Variants in MERTK observed in about 807,000 individuals in gnomAD.
The protein encoded by MERTK is MER proto-oncogene, tyrosine kinase, also known as tyrosine-protein kinase Mer.
Under a neutral mutation model 99.3 loss-of-function variants are expected in MERTK, and 69 were observed. That is an observed-to-expected ratio of 0.70 (90% CI 0.57 to 0.85). The LOEUF is 0.85. MERTK is among the 40% of genes least tolerant of loss of function. The pLI is 0.00. For synonymous variants in MERTK, 426 were observed against 467.6 expected, an observed-to-expected ratio of 0.91 and a Z score of 1.15; for missense variants, 1,125 against 1,249.4, an observed-to-expected ratio of 0.90 and a Z score of 1.50.
intron 8 of MERTK, among the ~76,000 whole-genome samples, chr2:111,984,547 G>C (rs55730179): frequency 0.021 from 3,200 of 152,238 alleles, 57 homozygotes; most frequent in Middle Eastern, 0.068. Flanking sequence ...TGAGAGCGAG[G>C]TGTGAGATGA....
intron 1 of MERTK, among the ~76,000 whole-genome samples, chr2:111,914,101 C>CTTTTTT (rs765850254): frequency 1.8e-3 from 169 of 94,438 alleles, no homozygotes; most frequent in African/African-American, 2.3e-3. Context: ...TTCTTTCTTT[C>CTTTTTT]TTTTTTTTTT....
At chr2:111,929,070 G>C in intron 1 of MERTK, 50 bp from the exon 2 acceptor site, 1 of 1,609,500 alleles carries the variant, frequency 6.2e-7, no homozygotes. Flanking sequence ...AACCTACTTG[G>C]GAAACTCTTC....
chr2:111,990,331 A>G (rs909337411), intron 8 of MERTK, among the ~76,000 whole-genome samples: 6 of 152,204 alleles, frequency 3.9e-5, no homozygotes, highest in African/African-American at 1.4e-4. Flanking sequence ...TCTAATCACT[A>G]TGGCAACATT....
chr2:111,904,020 C>T (rs747481938), intron 1 of MERTK, among the ~76,000 whole-genome samples: 19 of 152,204 alleles, frequency 1.2e-4, no homozygotes, highest in East Asian at 5.8e-4. Flanking sequence ...AGGGGCCCTC[C>T]GGTGTCGCCC....
At position 111,960,312 on chromosome 2, in the gene MERTK, C is replaced by T. The variant is rs534578386; in HGVS notation, c.758-4879C>T. On this transcript the variant is annotated intron_variant, in intron 4 of 18. Transcript: ENST00000295408. ...CCTGGCCAACATGGTAAAACCCTGT[C>T]TCCATTAAAAATACAAAAATTAACC... Among the ~76,000 whole-genome samples, 7 of 152,024 alleles carry T rather than the reference C, an allele frequency of 4.6e-5. No individual in the cohort carries two copies. The South Asian group carries it at 6.2e-4, about 14-fold the overall frequency.
intron 1 of MERTK, among the ~76,000 whole-genome samples, chr2:111,908,052 G>T (rs542714231): frequency 1.3e-5 from 2 of 152,304 alleles, no homozygotes; most frequent in African/African-American, 4.8e-5. Context: ...GGGCAGTGGT[G>T]GGGAGCCTCT....
At chr2:111,925,275 G>GAGATATATAT (rs1553446636) in intron 1 of MERTK, among the ~76,000 whole-genome samples, 1 of 52,188 alleles carries the variant, frequency 1.9e-5, no homozygotes, top group African/African-American at 9.5e-5. Context: ...GTACAGATCA[G>GAGATATATAT]ATATATATAT....
At chr2:111,935,213 T>C (rs1224255383) in intron 2 of MERTK, among the ~76,000 whole-genome samples, 1 of 152,152 alleles carries the variant, frequency 6.6e-6, no homozygotes, top group Non-Finnish European at 1.5e-5. Context: ...TTTCCGGCAA[T>C]TCATTATTTG....
At chr2:112,023,332 T>G (rs936541046) in intron 18 of MERTK, among the ~76,000 whole-genome samples, 4 of 152,030 alleles carry the variant, frequency 2.6e-5, no homozygotes, top group Non-Finnish European at 5.9e-5. Context: ...GAGAATGGCG[T>G]GAACCCGGGA....
chr2:111,965,546 A>G (rs1038675006), intron 5 of MERTK, among the ~76,000 whole-genome samples: 1 of 152,198 alleles, frequency 6.6e-6, no homozygotes, highest in African/African-American at 2.4e-5. Flanking sequence ...TTTGATAAAC[A>G]TTCACTCGTT....
intron 4 of MERTK, among the ~76,000 whole-genome samples, chr2:111,955,441 A>G (rs1685129815): frequency 1.3e-5 from 2 of 152,186 alleles, no homozygotes; most frequent in Admixed American, 1.3e-4. Context: ...GTTTGGGGGT[A>G]GGATGTTCTA....
At chr2:111,908,339 A>G (rs912535802) in intron 1 of MERTK, among the ~76,000 whole-genome samples, 26 of 152,142 alleles carry the variant, frequency 1.7e-4, no homozygotes, top group Non-Finnish European at 2.1e-4. Context: ...ACATCTTATT[A>G]TAAAATATTT....
intron 5 of MERTK, among the ~76,000 whole-genome samples, chr2:111,965,952 G>C (rs1227583924): frequency 6.6e-6 from 1 of 152,188 alleles, no homozygotes; most frequent in African/African-American, 2.4e-5. Flanking sequence ...CAAGCTAGTG[G>C]AGACATTTCA....
At chr2:111,946,718 C>T (rs929462782) in intron 3 of MERTK, among the ~76,000 whole-genome samples, 1 of 152,170 alleles carries the variant, frequency 6.6e-6, no homozygotes, top group Non-Finnish European at 1.5e-5. Context: ...TTTTACTCTG[C>T]GTTTATTTTG....
At position 112,019,445 on chromosome 2, in the gene MERTK, G is replaced by T; in HGVS notation, c.2112G>T (p.Met704Ile). The T allele has an allele frequency of 6.2e-7, 1 of 1,613,450 alleles. No individual in the cohort carries two copies. The highest frequency in any genetic ancestry group is 1.1e-5 in the South Asian group (1 of 91,060). The change falls in exon 16 of 19, where the codon ATG becomes ATT. Residue 704 changes from methionine to isoleucine, a missense_variant. Transcript: ENST00000295408. ...HIPLQTLLKFMVDIALGMEYL... is the reference protein window; with the variant it reads ...HIPLQTLLKFIVDIALGMEYL... ...CTCTGCAGACACTATTGAAGTTCATGGTGGATATTGCCCTGGGAATGGAGT... is the reference window on the plus strand; with the variant it reads ...CTCTGCAGACACTATTGAAGTTCATTGTGGATATTGCCCTGGGAATGGAGT...
intron 18 of MERTK, among the ~76,000 whole-genome samples, chr2:112,023,500 G>GAC (rs1677400383): frequency 1.3e-5 from 2 of 152,152 alleles, no homozygotes; most frequent in African/African-American, 4.8e-5. Flanking sequence ...TACCAGCTGT[G>GAC]ACACACACAC....
Position 112,001,211 on chromosome 2 carries a change from A to G in MERTK, c.1615A>G (p.Thr539Ala), listed in dbSNP as rs756711056. The G allele has an allele frequency of 6.2e-7, 1 of 1,612,938 alleles. No homozygotes were observed. Among genetic ancestry groups the G allele is most frequent in the Non-Finnish European group, 8.5e-7 (1 of 1,178,914 alleles). ...TTTTCATTCACCCAGGAATGCATTC[A>G]CAGAGGAGGATTCTGAATTAGTGGT... ...VQETKFGNAF[T>A]EEDSELVVNY... The change falls in exon 11 of 19, where the codon ACA becomes GCA. Residue 539 changes from threonine to alanine, a missense_variant. Thr to Ala is a moderately conservative substitution (Grantham distance 58, BLOSUM62 0). Transcript: ENST00000295408.
intron 8 of MERTK, among the ~76,000 whole-genome samples, chr2:111,983,603 G>A (rs1290704014): frequency 1.3e-5 from 2 of 152,232 alleles, no homozygotes; most frequent in Admixed American, 1.3e-4. Context: ...GCATCAGCCA[G>A]GTGGCACAGG....
At chr2:112,020,127 G>C (rs1677307034) in intron 16 of MERTK, among the ~76,000 whole-genome samples, 1 of 152,124 alleles carries the variant, frequency 6.6e-6, no homozygotes, top group African/African-American at 2.4e-5. Flanking sequence ...AATGTATTTT[G>C]TCATTTGTTT....
Sources: allele counts gnomAD v4.1 joint callset (sites outside exome capture counted in the v4.1 genomes callset), GRCh38; gene constraint gnomAD v4.1.1; transcripts MANE v1.5; gene names NCBI Gene and HGNC (gene_info 2026-07-23, HGNC 2026-07-21).